Variants in EVA1A observed in about 807,000 individuals in gnomAD.
EVA1A encodes protein eva-1 homolog A.
EVA1A carries 7 observed loss-of-function variants against 9.8 expected under a neutral mutation model. That is an observed-to-expected ratio of 0.71 (90% CI 0.41 to 1.34). EVA1A has a LOEUF of 1.34. Ranked by LOEUF, EVA1A falls within the 40% of genes most tolerant of loss-of-function variation. The pLI, the probability that EVA1A is intolerant of heterozygous loss-of-function variation, is 0.01. For missense variants in EVA1A, 206 were observed against 205.9 expected (o/e 1.00, Z 0.00); for synonymous variants, 90 against 85.6 (o/e 1.05, Z -0.28).
intron 1 of EVA1A, among the ~76,000 whole-genome samples, chr2:75,542,876 C>T (rs912035262): frequency 6.6e-6 from 1 of 152,122 alleles, no homozygotes; most frequent in Non-Finnish European, 1.5e-5. Flanking sequence ...CATATTGTGA[C>T]TCCAGGGTAA....
chr2:75,503,514 C>T (rs115270686), intron 3 of EVA1A, among the ~76,000 whole-genome samples: 2,368 of 152,280 alleles, frequency 0.016, 59 homozygotes, highest in African/African-American at 0.055. Flanking sequence ...TCAGATCATG[C>T]CCAACAGACT....
At chr2:75,528,358 A>T (rs1223306349) in intron 1 of EVA1A, among the ~76,000 whole-genome samples, 1 of 152,192 alleles carries the variant, frequency 6.6e-6, no homozygotes. Flanking sequence ...CTTTCTCAGC[A>T]GGGAGGCTTG....
intron 1 of EVA1A, among the ~76,000 whole-genome samples, chr2:75,543,964 TA>T (rs1337193792): frequency 5.3e-5 from 8 of 152,324 alleles, no homozygotes; most frequent in Non-Finnish European, 1.0e-4. Flanking sequence ...TGATTCAAAT[TA>T]CATTTAAAAA....
intron 2 of EVA1A, among the ~76,000 whole-genome samples, chr2:75,521,951 A>G (rs1675246783): frequency 6.6e-6 from 1 of 152,210 alleles, no homozygotes; most frequent in Admixed American, 6.5e-5. Flanking sequence ...GAATGATGGC[A>G]GAGTTATCTT....
chr2:75,515,255 C>A (rs931972051), intron 3 of EVA1A, among the ~76,000 whole-genome samples: 1 of 152,046 alleles, frequency 6.6e-6, no homozygotes, highest in African/African-American at 2.4e-5. Flanking sequence ...CTTGTAGGGC[C>A]CATTGTGGTA....
chr2:75,546,918 A>AAC (rs1676350990), intron 1 of EVA1A, among the ~76,000 whole-genome samples: 2 of 151,480 alleles, frequency 1.3e-5, no homozygotes, highest in Admixed American at 6.6e-5. Context: ...AAAAAAAAAA[A>AAC]AAAAAAAAAC....
intron 3 of EVA1A, among the ~76,000 whole-genome samples, chr2:75,501,731 C>T (rs1674431918): frequency 2.0e-5 from 3 of 152,184 alleles, no homozygotes; most frequent in Admixed American, 2.0e-4. Context: ...GGGAAGCTGG[C>T]TCTGCTCTCA....
intron 1 of EVA1A, among the ~76,000 whole-genome samples, chr2:75,550,528 A>G (rs960957121): frequency 1.3e-5 from 2 of 152,168 alleles, no homozygotes; most frequent in African/African-American, 4.8e-5. Flanking sequence ...TGCTCTATTG[A>G]GGAATACTTT....
At chr2:75,539,876 A>G (rs1676048737) in intron 1 of EVA1A, among the ~76,000 whole-genome samples, 1 of 152,218 alleles carries the variant, frequency 6.6e-6, no homozygotes, top group Admixed American at 6.5e-5. Context: ...AATTGAAGGC[A>G]TAAAGGTAGG....
chr2:75,518,821 C>T (rs1675131016), intron 2 of EVA1A: 2 of 985,536 alleles, frequency 2.0e-6, no homozygotes, highest in South Asian at 9.4e-5. Flanking sequence ...CAGTTTGCCT[C>T]ATCCCTCAGG....
intron 1 of EVA1A, among the ~76,000 whole-genome samples, chr2:75,539,563 G>A (rs748427682): frequency 3.9e-5 from 6 of 152,212 alleles, no homozygotes; most frequent in South Asian, 2.1e-4. Flanking sequence ...GGAATTTAAC[G>A]CAGGGAATTG....
At chr2:75,549,011 T>G (rs1469526638) in intron 1 of EVA1A, among the ~76,000 whole-genome samples, 2 of 64,006 alleles carry the variant, frequency 3.1e-5, no homozygotes, top group Non-Finnish European at 6.1e-5. Flanking sequence ...TATATATATT[T>G]TTTTTTTTTT....
chr2:75,541,802 C>G (rs1676134670), intron 1 of EVA1A: 1 of 152,458 alleles, frequency 6.6e-6, no homozygotes. Flanking sequence ...CCGGATCCTT[C>G]CTCTCCGTTG....
At chr2:75,543,167 T>C (rs1174122503) in intron 1 of EVA1A, among the ~76,000 whole-genome samples, 1 of 152,192 alleles carries the variant, frequency 6.6e-6, no homozygotes, top group Non-Finnish European at 1.5e-5. Flanking sequence ...GACCGAATCC[T>C]GTATGGCTTT....
intron 1 of EVA1A, among the ~76,000 whole-genome samples, chr2:75,538,920 T>A (rs188611635): frequency 8.0e-4 from 122 of 152,368 alleles, no homozygotes; most frequent in Non-Finnish European, 6.0e-4. Context: ...ATGTTCTGTA[T>A]CTTGACTGTA....
At chr2:75,555,325 C>CTCTCTCTCTCTCTCTG in intron 1 of EVA1A, among the ~76,000 whole-genome samples, 1 of 148,470 alleles carries the variant, frequency 6.7e-6, no homozygotes, top group Non-Finnish European at 1.5e-5. Context: ...CTCTCTCTCT[C>CTCTCTCTCTCTCTCTG]TCTCTCTCTC....
intron 3 of EVA1A, among the ~76,000 whole-genome samples, chr2:75,511,009 G>A (rs1265223618): frequency 1.3e-5 from 2 of 152,208 alleles, no homozygotes; most frequent in Non-Finnish European, 2.9e-5. Flanking sequence ...AGTTGTTACA[G>A]CAGAGACTGG....
intron 1 of EVA1A, among the ~76,000 whole-genome samples, chr2:75,536,848 G>C (rs1271966059): frequency 6.6e-6 from 1 of 152,070 alleles, no homozygotes; most frequent in Non-Finnish European, 1.5e-5. Context: ...TTCAGGCCTA[G>C]ATGGTTTCAC....
chr2:75,547,840 C>T (rs1261493818), intron 1 of EVA1A, among the ~76,000 whole-genome samples: 2 of 152,208 alleles, frequency 1.3e-5, no homozygotes, highest in African/African-American at 4.8e-5. Context: ...AACTACTGCT[C>T]ATGGGTAAAT....
Sources: allele counts gnomAD v4.1 joint callset (sites outside exome capture counted in the v4.1 genomes callset), GRCh38; gene constraint gnomAD v4.1.1; transcripts MANE v1.5; gene names NCBI Gene and HGNC (gene_info 2026-07-23, HGNC 2026-07-21).